Variants in NLGN1 observed in about 807,000 individuals in gnomAD.
The protein encoded by NLGN1 is neuroligin-1.
NLGN1 carries 12 observed loss-of-function variants against 65.5 expected under a neutral mutation model. The ratio of observed to expected loss-of-function variants is 0.18; its 90% confidence interval spans 0.12 to 0.30. NLGN1 has a LOEUF of 0.30. Among genes scored for constraint, NLGN1 ranks in the 10% least tolerant of loss-of-function variants. The probability of loss-of-function intolerance (pLI) is 1.00; values close to 1 mark genes in which losing one functional copy is unlikely to be tolerated. For missense variants in NLGN1, 750 were observed against 1,007.1 expected (o/e 0.74, Z 3.46); for synonymous variants, 350 against 359.5 (o/e 0.97, Z 0.30).
At chr3:173,811,913 A>C (rs144079399) in intron 4 of NLGN1, among the ~76,000 whole-genome samples, 123 of 152,306 alleles carry the variant, frequency 8.1e-4, no homozygotes, top group Middle Eastern at 6.8e-3. Flanking sequence ...CTTTTGGAGT[A>C]AAAGAAAAAT....
At chr3:173,975,787 T>G (rs1036223396) in intron 4 of NLGN1, among the ~76,000 whole-genome samples, 18 of 152,000 alleles carry the variant, frequency 1.2e-4, no homozygotes, top group African/African-American at 4.3e-4. Context: ...CCCTTTATCA[T>G]ATTTTTGGTG....
At chr3:173,985,931 CAG>C (rs1364999167) in intron 4 of NLGN1, among the ~76,000 whole-genome samples, 2 of 151,970 alleles carry the variant, frequency 1.3e-5, no homozygotes, top group African/African-American at 2.4e-5. Context: ...GCCTGGGCAA[CAG>C]AGAGAGACTC....
intron 4 of NLGN1, among the ~76,000 whole-genome samples, chr3:173,932,168 C>T (rs958665510): frequency 6.6e-6 from 1 of 151,928 alleles, no homozygotes; most frequent in Admixed American, 6.6e-5. Flanking sequence ...CAGGATCAAT[C>T]TTAAATGAGC....
intron 4 of NLGN1, chr3:173,920,921 A>G (rs558992815): frequency 6.6e-6 from 1 of 152,074 alleles, no homozygotes; most frequent in Non-Finnish European, 1.5e-5. Flanking sequence ...TGAGAAGCTT[A>G]TAGTTTCAAA....
chr3:173,602,495 G>A (rs994096211), intron 2 of NLGN1, among the ~76,000 whole-genome samples: 5 of 151,968 alleles, frequency 3.3e-5, no homozygotes, highest in African/African-American at 1.2e-4. Flanking sequence ...TTCCAATCCT[G>A]TGCAATTTGC....
At chr3:173,459,293 A>G (rs1000445104) in intron 2 of NLGN1, among the ~76,000 whole-genome samples, 1 of 152,126 alleles carries the variant, frequency 6.6e-6, no homozygotes, top group African/African-American at 2.4e-5. Flanking sequence ...AGCTACACCA[A>G]CAATTCTAAT....
At chr3:173,410,386 A>G (rs1712280078) in intron 1 of NLGN1, among the ~76,000 whole-genome samples, 2 of 152,240 alleles carry the variant, frequency 1.3e-5, no homozygotes, top group Admixed American at 6.5e-5. Context: ...TGGGTGGGAC[A>G]TGGTGCTAGG....
chr3:174,147,704 C>A (rs1007883742), intron 4 of NLGN1, among the ~76,000 whole-genome samples: 1 of 152,006 alleles, frequency 6.6e-6, no homozygotes, highest in Non-Finnish European at 1.5e-5. Flanking sequence ...ACATTGCTCA[C>A]TGGATCTGGC....
intron 4 of NLGN1, among the ~76,000 whole-genome samples, chr3:174,115,152 G>T (rs1716110757): frequency 6.6e-6 from 1 of 152,128 alleles, no homozygotes; most frequent in African/African-American, 2.4e-5. Context: ...ATGAAAGTAA[G>T]TAGAGAATGG....
chr3:173,455,189 G>A (rs899591763), intron 2 of NLGN1, among the ~76,000 whole-genome samples: 3 of 152,150 alleles, frequency 2.0e-5, no homozygotes, highest in Non-Finnish European at 4.4e-5. Context: ...AAGAAGGGAG[G>A]TTTATTTTGG....
chr3:174,031,548 A>T (rs9841095), intron 4 of NLGN1, among the ~76,000 whole-genome samples: 39,540 of 152,042 alleles, frequency 0.26, 6,039 homozygotes, highest in African/African-American at 0.42. Context: ...ATCTTCAGGG[A>T]TGTAAAAGAT....
chr3:173,995,824 C>T (rs796628333), intron 4 of NLGN1, among the ~76,000 whole-genome samples: 1 of 151,726 alleles, frequency 6.6e-6, no homozygotes, highest in Non-Finnish European at 1.5e-5. Context: ...GCATCTGGGA[C>T]TCCCGGTGCA....
Position 173,893,331 on chromosome 3 carries a change from T to A in NLGN1, c.646+85499T>A, listed in dbSNP as rs190497416. Reference sequence around the variant, plus strand: ...TGAGTTCAGTCACCGAGGTTTAGATTTCAGCTCTGATACTAACAATGTGAC... The same window carrying A: ...TGAGTTCAGTCACCGAGGTTTAGATATCAGCTCTGATACTAACAATGTGAC... On this transcript the variant is annotated intron_variant, in intron 4 of 6. Transcript: ENST00000457714. Among the ~76,000 whole-genome samples, 597 of 152,294 alleles carry A rather than the reference T, an allele frequency of 3.9e-3. 1 individual carries two copies. Among genetic ancestry groups the A allele is most frequent in the Non-Finnish European group, 3.9e-3 (266 of 68,030 alleles).
At chr3:173,657,029 A>G (rs1480101519) in intron 3 of NLGN1, among the ~76,000 whole-genome samples, 1 of 151,994 alleles carries the variant, frequency 6.6e-6, no homozygotes, top group African/African-American at 2.4e-5. Flanking sequence ...TGCTTTGTAA[A>G]CCATTATATA....
At chr3:173,970,785 C>T (rs944623879) in intron 4 of NLGN1, among the ~76,000 whole-genome samples, 1 of 152,268 alleles carries the variant, frequency 6.6e-6, no homozygotes, top group East Asian at 1.9e-4. Context: ...TACATCGTTA[C>T]TGTGCAGTAA....
At chr3:173,563,690 T>C (rs1169849866) in intron 2 of NLGN1, among the ~76,000 whole-genome samples, 3 of 152,088 alleles carry the variant, frequency 2.0e-5, no homozygotes, top group African/African-American at 7.2e-5. Context: ...TCTTTTTTTT[T>C]CTCATACCCT....
At position 173,641,566 on chromosome 3, in the gene NLGN1, T is replaced by C. The variant is rs138423499; in HGVS notation, c.493+36475T>C. 3.4e-3 allele frequency among the ~76,000 whole-genome samples: 514 copies of C among 152,318 alleles called. 1 individual carries two copies. The highest frequency in any genetic ancestry group is 0.012 in the African/African-American group (490 of 41,578). On this transcript the variant is annotated intron_variant, in intron 3 of 6. Transcript: ENST00000457714. The stretch of plus-strand genomic sequence containing the variant: ...TAAGCCTCCCAAAGTGCTGGAATTA[T>C]AGGCATGAGCCACTGTGCCTGGCCC...
intron 3 of NLGN1, among the ~76,000 whole-genome samples, chr3:173,731,349 AATC>A (rs1230647503): frequency 6.6e-6 from 1 of 152,124 alleles, no homozygotes; most frequent in Non-Finnish European, 1.5e-5. Context: ...TATTTTGTAA[AATC>A]ATTTAAATAT....
chr3:174,202,858 C>T (rs924725508), intron 4 of NLGN1: 1 of 152,174 alleles, frequency 6.6e-6, no homozygotes, highest in African/African-American at 2.4e-5. Context: ...GAGAGATACA[C>T]ACAGGTGGTT....
Sources: gnomAD v4.1 joint callset for allele counts (sites outside exome capture counted in the v4.1 genomes callset) on GRCh38, gnomAD v4.1.1 for gene constraint, MANE v1.5 for transcripts, NCBI Gene and HGNC (gene_info 2026-07-23, HGNC 2026-07-21) for gene names.